The following AKAP13 variants were observed in gnomAD, a reference collection of about 807,000 sequenced individuals.
AKAP13 encodes the protein A-kinase anchoring protein 13.
AKAP13 carries 80 observed loss-of-function variants against 264.5 expected under a neutral mutation model. The observed-to-expected ratio is 0.30, with a 90% CI of 0.25 to 0.36. The LOEUF (loss-of-function observed/expected upper bound fraction) is 0.36. Among genes scored for constraint, AKAP13 ranks in the 10% least tolerant of loss-of-function variants. The pLI, the probability that AKAP13 is intolerant of heterozygous loss-of-function variation, is 1.00. For synonymous variants in AKAP13, 1,380 were observed against 1,250.2 expected (o/e 1.10, Z -2.19); for missense variants, 3,712 against 3,435.2 (o/e 1.08, Z -2.01).
intron 6 of AKAP13, among the ~76,000 whole-genome samples, chr15:85,577,084 GA>G (rs1395134787): frequency 1.3e-5 from 2 of 152,166 alleles, no homozygotes; most frequent in East Asian, 3.8e-4. Context: ...TACTCTTAAG[GA>G]GCCTAACACA....
chr15:85,665,965 T>G (rs1054395122), intron 13 of AKAP13, among the ~76,000 whole-genome samples: 3 of 152,208 alleles, frequency 2.0e-5, no homozygotes, highest in Non-Finnish European at 2.9e-5. Flanking sequence ...TTGCTATTGT[T>G]AACAATGCCA....
At chr15:85,619,359 AG>A (rs2151418118) in intron 8 of AKAP13, 1 of 983,656 alleles carries the variant, frequency 1.0e-6, no homozygotes. Context: ...GGAAGGAGGG[AG>A]GGAGGGAGTA....
At chr15:85,496,577 C>T (rs62022157) in intron 2 of AKAP13, among the ~76,000 whole-genome samples, 20,973 of 152,184 alleles carry the variant, frequency 0.14, 1,847 homozygotes, top group Non-Finnish European at 0.2. Context: ...CAGTTGCCTC[C>T]TTATAGGGAA....
chr15:85,557,479 T>C (rs1466438531), intron 5 of AKAP13, among the ~76,000 whole-genome samples: 1 of 152,312 alleles, frequency 6.6e-6, no homozygotes, highest in Non-Finnish European at 1.5e-5. Context: ...GTGTGGTTTT[T>C]TTTGTGTTTT....
Position 85,400,874 on chromosome 15 carries a change from A to T in AKAP13, c.-12+20076A>T, listed in dbSNP as rs112540396. ...TATATATATGTATATATATATATAT[A>T]TTTTTTTTTTTTAAACAGAGTATGT... On this transcript the variant is annotated intron_variant, in intron 1 of 36. Transcript: ENST00000394518. Among the ~76,000 whole-genome samples the T allele has an allele frequency of 1.7e-3, 205 of 120,136 alleles. 2 individuals carry two copies. The highest frequency in any genetic ancestry group is 7.7e-3 in the East Asian group (37 of 4,818). The allele number at this position is 120,136 out of a possible 152,430, so 78.8% of individuals were successfully genotyped here. A position where few individuals can be genotyped will look rare whatever the true frequency, so the allele number is the denominator to read the frequency against.
rs537998806 is a variant in AKAP13 at position 85,640,025 on chromosome 15, CTCT to C, written c.4237+578_4237+580del. On this transcript the variant is annotated intron_variant, in intron 9 of 36. Transcript: ENST00000394518. The stretch of plus-strand genomic sequence containing the variant: ...CCTAACAACACTTGAGGGTACGATG[CTCT>C]TAAGACCTTGCTTGTTAATGACACA... Among the ~76,000 whole-genome samples the C allele has an allele frequency of 2.7e-3, 416 of 152,314 alleles. 3 individuals are homozygous for C. The highest frequency in any genetic ancestry group is 9.5e-3 in the African/African-American group (394 of 41,568).
At chr15:85,729,926 A>G (rs912229089) in intron 29 of AKAP13, among the ~76,000 whole-genome samples, 8 of 152,148 alleles carry the variant, frequency 5.3e-5, no homozygotes, top group Non-Finnish European at 7.4e-5. Context: ...TCTGGGCAAT[A>G]GGAGCGAAAC....
At chr15:85,433,484 C>A (rs1171220120) in intron 1 of AKAP13, among the ~76,000 whole-genome samples, 1 of 152,076 alleles carries the variant, frequency 6.6e-6, no homozygotes, top group African/African-American at 2.4e-5. Flanking sequence ...GAAGATGATA[C>A]CACCTCACAT....
At chr15:85,550,138 A>C (rs1344910985) in intron 5 of AKAP13, among the ~76,000 whole-genome samples, 1 of 152,060 alleles carries the variant, frequency 6.6e-6, no homozygotes, top group Non-Finnish European at 1.5e-5. Flanking sequence ...GCTGGTCTCG[A>C]TTTCGTGACC....
At chr15:85,512,153 G>T (rs1161994672) in intron 2 of AKAP13, among the ~76,000 whole-genome samples, 1 of 151,956 alleles carries the variant, frequency 6.6e-6, no homozygotes, top group African/African-American at 2.4e-5. Flanking sequence ...CTCAGTTATG[G>T]AACAACTTCC....
At chr15:85,644,448 A>G (rs12902398) in intron 9 of AKAP13, among the ~76,000 whole-genome samples, 97,213 of 150,322 alleles carry the variant, frequency 0.65, 31,614 homozygotes, top group Middle Eastern at 0.73. Flanking sequence ...CACCATGTTG[A>G]CCAGGCTGTT....
At chr15:85,617,531 C>T (rs142670413) in intron 8 of AKAP13, among the ~76,000 whole-genome samples, 5 of 152,286 alleles carry the variant, frequency 3.3e-5, no homozygotes, top group East Asian at 1.9e-4. Flanking sequence ...TGAGCCACCG[C>T]GCCCAGCCGG....
chr15:85,418,816 C>T (rs544922661), intron 1 of AKAP13, among the ~76,000 whole-genome samples: 1 of 152,228 alleles, frequency 6.6e-6, no homozygotes, highest in East Asian at 1.9e-4. Flanking sequence ...AGGAATCAAT[C>T]GCATAGTTAT....
At chr15:85,469,559 C>T (rs866287041) in intron 1 of AKAP13, among the ~76,000 whole-genome samples, 16 of 152,168 alleles carry the variant, frequency 1.1e-4, no homozygotes, top group Admixed American at 6.5e-5. Context: ...TTCTGGTGGA[C>T]CCACCAGCTG....
At chr15:85,562,567 A>AAT (rs2078421837) in intron 5 of AKAP13, among the ~76,000 whole-genome samples, 3 of 87,366 alleles carry the variant, frequency 3.4e-5, no homozygotes, top group Non-Finnish European at 6.8e-5. Context: ...TCTGCCTCAA[A>AAT]AAAAAAAATA....
Position 85,740,252 on chromosome 15 carries a change from G to C in AKAP13, c.7588G>C (p.Glu2530Gln). 1 of 1,614,054 alleles carries C rather than the reference G, an allele frequency of 6.2e-7. No homozygotes were observed. Reference protein sequence around the residue: ...QVVQSVVHLYELLSALQGVVL... With the variant: ...QVVQSVVHLYQLLSALQGVVL... ...TGTCCAGAGCGTTGTTCATCTCTAC[G>C]AGCTCCTCAGCGCTCTGCAGGTGCG... Residue 2530 changes from glutamate to glutamine, a missense_variant, in exon 34 of 37, where the codon GAG (glutamate) becomes CAG (glutamine). Glu to Gln is a conservative substitution (Grantham distance 29). Coordinates refer to ENST00000394518, the MANE Select transcript of AKAP13 (RefSeq NM_007200.5).
At chr15:85,700,119 C>A (rs144610016) in intron 17 of AKAP13, among the ~76,000 whole-genome samples, 1 of 152,116 alleles carries the variant, frequency 6.6e-6, no homozygotes, top group Non-Finnish European at 1.5e-5. Context: ...TACATTATTT[C>A]TAGGTTACAA....
intron 1 of AKAP13, among the ~76,000 whole-genome samples, chr15:85,420,240 C>CT (rs539192886): frequency 3.6e-4 from 52 of 146,476 alleles, no homozygotes; most frequent in Middle Eastern, 3.5e-3. Context: ...CGCGCCCGGC[C>CT]TTTTTTTTTT....
chr15:85,509,314 A>G (rs2076341359), intron 2 of AKAP13, among the ~76,000 whole-genome samples: 2 of 152,190 alleles, frequency 1.3e-5, no homozygotes, highest in South Asian at 4.1e-4. Context: ...GTTGCATTTA[A>G]GAAATAGTGA....
Sources: allele counts gnomAD v4.1 joint callset (sites outside exome capture counted in the v4.1 genomes callset), GRCh38; gene constraint gnomAD v4.1.1; transcripts MANE v1.5; gene names NCBI Gene and HGNC (gene_info 2026-07-23, HGNC 2026-07-21).